The following BEND5 variants were observed in gnomAD, a reference collection of about 807,000 sequenced individuals.
BEND5 encodes the protein BEN domain containing 5.
In BEND5, 22 loss-of-function variants were observed where a neutral mutation model predicts 43.9. The observed-to-expected ratio is 0.50, with a 90% CI of 0.36 to 0.72. The LOEUF (loss-of-function observed/expected upper bound fraction) is 0.72, where lower values mean the gene tolerates loss of function less well. BEND5 is among the 30% of genes least tolerant of loss of function. BEND5 has a pLI of 0.00. For missense variants in BEND5, 428 were observed against 550.6 expected, an observed-to-expected ratio of 0.78 and a Z score of 2.23; for synonymous variants, 228 against 225.9, an observed-to-expected ratio of 1.01 and a Z score of -0.08.
chr1:48,758,042 C>G (rs937057697), intron 3 of BEND5, among the ~76,000 whole-genome samples: 6 of 152,326 alleles, frequency 3.9e-5, no homozygotes, highest in South Asian at 2.1e-4. Context: ...AAAGCTGCTG[C>G]CTTTCAGGTT....
chr1:48,758,844 T>C, intron 3 of BEND5, 56 bp downstream of exon 3: 2 of 1,402,554 alleles, frequency 1.4e-6, no homozygotes, highest in South Asian at 1.5e-5. Flanking sequence ...TGGAAGAGGA[T>C]CTGCATGAAG....
intron 5 of BEND5, among the ~76,000 whole-genome samples, chr1:48,728,435 C>T (rs1369546045): frequency 6.7e-6 from 1 of 149,622 alleles, no homozygotes; most frequent in Non-Finnish European, 1.5e-5. Context: ...GTTTATTTTC[C>T]ATTTTCAATC....
At chr1:48,730,736 T>A (rs1647987116) in intron 5 of BEND5, among the ~76,000 whole-genome samples, 1 of 152,138 alleles carries the variant, frequency 6.6e-6, no homozygotes, top group South Asian at 2.1e-4. Context: ...GCCGGGAATG[T>A]CTCCCTCTGC....
intron 5 of BEND5, among the ~76,000 whole-genome samples, chr1:48,728,274 T>C (rs1181959931): frequency 6.6e-6 from 1 of 152,208 alleles, no homozygotes; most frequent in Non-Finnish European, 1.5e-5. Context: ...TGTCCACCAC[T>C]CAGTGGAGCA....
At chr1:48,748,368 A>C (rs1445475798) in intron 3 of BEND5, among the ~76,000 whole-genome samples, 4 of 152,340 alleles carry the variant, frequency 2.6e-5, no homozygotes, top group Non-Finnish European at 5.9e-5. Context: ...GTGAGAATCT[A>C]CTAAGTACCT....
chr1:48,742,730 C>G lies in BEND5; in HGVS notation c.787G>C (p.Glu263Gln). 1.2e-6 allele frequency: 2 copies of G among 1,608,230 alleles called. No individual in the cohort carries two copies. The highest frequency in any genetic ancestry group is 1.7e-5 in the Admixed American group (1 of 59,246). ...GTGCTCCGTAACTCCGGCTCGGGCT[C>G]GAGACATTCTGACTTTACTTTTTCC... ...DLEKVKSECL[E>Q]PEPELRSTFS... Residue 263 changes from glutamate to glutamine, a missense_variant, in exon 4 of 6, where the codon GAG becomes CAG. By Grantham distance (29) the Glu-to-Gln change is conservative. Around this residue, in one of 4 missense-constraint regions of BEND5, gnomAD observed 243 missense variants for 286.4 expected, o/e 0.85. Transcript: ENST00000371833.
chr1:48,744,136 T>C lies in BEND5; in HGVS notation c.746-1365A>G, dbSNP rs1650363999. Among the ~76,000 whole-genome samples, 3 of 152,200 alleles carry C rather than the reference T, an allele frequency of 2.0e-5. No homozygotes were observed. The South Asian group carries it at 6.2e-4, about 32-fold the overall frequency. On this transcript the variant is annotated intron_variant, in intron 3 of 5. Coordinates refer to ENST00000371833, the MANE Select transcript of BEND5 (RefSeq NM_024603.4). ...AGAACCTGGCAGAGCGAAGGACCAA[T>C]AGCATCATCATCGTTCTGACAGCAC... is the stretch of plus-strand genomic sequence containing the variant.
chr1:48,769,526 A>AACACACACACACACACACAC (rs558937968), intron 1 of BEND5, among the ~76,000 whole-genome samples: 2 of 130,216 alleles, frequency 1.5e-5, no homozygotes, highest in Non-Finnish European at 3.2e-5. Flanking sequence ...GAGGATTTAA[A>AACACACACACACACACACAC]ACACACACAC....
rs12068292 is a variant in BEND5, at chr1:48,732,509, G to A, written c.1108+3730C>T. Reference sequence around the variant, plus strand: ...AAGTAAATAGGAAATGCTATGCAGAGACTTGGAGTAGGGTGATGTGACAGA... The same window carrying A: ...AAGTAAATAGGAAATGCTATGCAGAAACTTGGAGTAGGGTGATGTGACAGA... On this transcript the variant is annotated intron_variant, in intron 5 of 5. Coordinates refer to ENST00000371833, the MANE Select transcript of BEND5 (RefSeq NM_024603.4). 2.9e-3 allele frequency among the ~76,000 whole-genome samples: 445 copies of A among 151,020 alleles called. 1 individual carries two copies. Among genetic ancestry groups the A allele is most frequent in the African/African-American group, 9.6e-3 (387 of 40,328 alleles).
chr1:48,750,343 C>T (rs552163168), intron 3 of BEND5, among the ~76,000 whole-genome samples: 19 of 152,240 alleles, frequency 1.2e-4, no homozygotes, highest in South Asian at 2.1e-4. Flanking sequence ...TTCACTGTGC[C>T]GTCCAACCAG....
chr1:48,745,080 G>A (rs1650529653), intron 3 of BEND5, among the ~76,000 whole-genome samples: 1 of 152,188 alleles, frequency 6.6e-6, no homozygotes, highest in Admixed American at 6.5e-5. Context: ...AGACTATAAA[G>A]CTCTTCAAGA....
chr1:48,739,280 C>A (rs536440645), intron 4 of BEND5, among the ~76,000 whole-genome samples: 18 of 152,318 alleles, frequency 1.2e-4, no homozygotes, highest in African/African-American at 4.3e-4. Context: ...CCCTAAAATA[C>A]CTCCTTCCTT....
Position 48,741,764 on chromosome 1 carries a change from C to T in BEND5, c.894+859G>A, listed in dbSNP as rs544213770. Among the ~76,000 whole-genome samples, 3 of 152,292 alleles carry T rather than the reference C, an allele frequency of 2.0e-5. No individual in the cohort carries two copies. In the South Asian group the frequency reaches 6.2e-4, roughly 32 times the overall value. On this transcript the variant is annotated intron_variant, in intron 4 of 5. Transcript: ENST00000371833. Reference sequence around the variant, plus strand: ...TGAAGCATGAGGCAAGAAAAATGAACCAACACATGACGCGTTAAGGAGAAC... The same window carrying T: ...TGAAGCATGAGGCAAGAAAAATGAATCAACACATGACGCGTTAAGGAGAAC...
chr1:48,761,614 C>G, intron 1 of BEND5, 144 bp from the exon 2 acceptor site: 1 of 820,784 alleles, frequency 1.2e-6, no homozygotes, highest in East Asian at 2.7e-5. Context: ...AAGGCTGGTT[C>G]CCTCTTGCAT....
At chr1:48,741,665 A>T (rs796796159) in intron 4 of BEND5, among the ~76,000 whole-genome samples, 6 of 152,366 alleles carry the variant, frequency 3.9e-5, no homozygotes, top group African/African-American at 1.4e-4. Context: ...ACATATCTGG[A>T]CAAACCCAAA....
Position 48,736,123 on chromosome 1 carries a change from C to G in BEND5, c.1108+116G>C. The G allele has an allele frequency of 8.2e-7, 1 of 1,224,460 alleles. No homozygotes were observed. Among genetic ancestry groups the G allele is most frequent in the East Asian group, 2.3e-5 (1 of 42,826 alleles). 75.8% of individuals were successfully genotyped at this position (1,224,460 alleles called of 1,614,324 possible). A position where few individuals can be genotyped will look rare whatever the true frequency, so the allele number is the denominator to read the frequency against. On this transcript the variant is annotated intron_variant, in intron 5 of 5. Transcript: ENST00000371833. This position sits in a 1 kb window ranked among gnomAD's most constrained non-coding sequence, Gnocchi z 4.0. ...CCGCTTGGTGTCCCCGGGCTCAGCCCAGGGTCTGGCATGCAGAAGCTTCAT... is the reference window on the plus strand; with the variant it reads ...CCGCTTGGTGTCCCCGGGCTCAGCCGAGGGTCTGGCATGCAGAAGCTTCAT...
At chr1:48,735,804 C>G (rs570435242) in intron 5 of BEND5, among the ~76,000 whole-genome samples, 1 of 152,134 alleles carries the variant, frequency 6.6e-6, no homozygotes, top group South Asian at 2.1e-4. Context: ...AGCAGCATTC[C>G]TTTCCCATCT....
At position 48,759,203 on chromosome 1, in the gene BEND5, G is replaced by A. The variant is rs1644122854; in HGVS notation, c.442C>T (p.Leu148=). Residue 148 remains leucine (L), a synonymous_variant, in exon 3 of 6, where the codon CTG becomes TTG. Transcript: ENST00000371833. ...VVARLEKQNG[L]SLGHSTCPEE... Reference sequence around the variant, plus strand: ...GGACACGTGCTATGGCCCAGGCTCAGGCCGTTCTGCTTCTCTAGCCGAGCC... The same window carrying A: ...GGACACGTGCTATGGCCCAGGCTCAAGCCGTTCTGCTTCTCTAGCCGAGCC... 9 of 1,610,840 alleles carry A rather than the reference G, an allele frequency of 5.6e-6. No individual in the cohort carries two copies. Among genetic ancestry groups the A allele is most frequent in the Non-Finnish European group, 7.6e-6 (9 of 1,178,744 alleles).
intron 3 of BEND5, 84 bp from the exon 4 acceptor site, chr1:48,742,855 C>T (rs566447623): frequency 7.4e-7 from 1 of 1,343,698 alleles, no homozygotes; most frequent in Middle Eastern, 2.0e-4. Context: ...TATCAGCACA[C>T]CATGGCACAA....
Sources: allele counts gnomAD v4.1 joint callset (sites outside exome capture counted in the v4.1 genomes callset), GRCh38; gene constraint gnomAD v4.1.1; regional missense constraint gnomAD v4.1.1; non-coding constraint Gnocchi (gnomAD v3.1); transcripts MANE v1.5; gene names NCBI Gene and HGNC (gene_info 2026-07-23, HGNC 2026-07-21).